The following GALNT18 variants were observed in gnomAD, a reference collection of about 807,000 sequenced individuals.
GALNT18 encodes the protein polypeptide N-acetylgalactosaminyltransferase 18.
In GALNT18, 44 loss-of-function variants were observed where a neutral mutation model predicts 69.5. That is an observed-to-expected ratio of 0.63 (90% CI 0.50 to 0.81). The LOEUF is 0.81. Among genes scored for constraint, GALNT18 ranks in the 40% least tolerant of loss-of-function variants. The pLI is 0.00. For missense variants in GALNT18, 715 were observed against 810.0 expected, an observed-to-expected ratio of 0.88 and a Z score of 1.42; for synonymous variants, 364 against 318.2, an observed-to-expected ratio of 1.14 and a Z score of -1.53.
intron 3 of GALNT18, among the ~76,000 whole-genome samples, chr11:11,419,354 T>C (rs1177533727): frequency 6.6e-6 from 1 of 152,006 alleles, no homozygotes; most frequent in Non-Finnish European, 1.5e-5. Context: ...CTCAGCACTC[T>C]GGGAGGCCAA....
chr11:11,335,518 C>T (rs936131836), intron 7 of GALNT18, among the ~76,000 whole-genome samples: 23 of 152,182 alleles, frequency 1.5e-4, no homozygotes, highest in African/African-American at 5.6e-4. Context: ...TTGCCAAATA[C>T]TTGGTGTAGT....
chr11:11,415,873 T>C lies in GALNT18; in HGVS notation c.595+16748A>G, dbSNP rs1370439677. Among the ~76,000 whole-genome samples the C allele has an allele frequency of 1.3e-5, 2 of 152,192 alleles. No individual in the cohort carries two copies. The highest frequency in any genetic ancestry group is 2.4e-5 in the African/African-American group (1 of 41,442). On this transcript the variant is annotated intron_variant, in intron 3 of 10. Transcript: ENST00000227756. The surrounding 1 kb of genome is among the most constrained non-coding windows in gnomAD (Gnocchi z 4.1). The stretch of plus-strand genomic sequence containing the variant: ...GTTGGACTCACATGTCATAGGAATA[T>C]GGAGTACACAGGTCTAGAGGGCAGC...
At chr11:11,544,389 A>G (rs1857997118) in intron 1 of GALNT18, among the ~76,000 whole-genome samples, 1 of 152,226 alleles carries the variant, frequency 6.6e-6, no homozygotes, top group Non-Finnish European at 1.5e-5. Flanking sequence ...TGTGCCAGTC[A>G]CTATGCTAAG....
At chr11:11,550,826 G>A (rs1168325173) in intron 1 of GALNT18, among the ~76,000 whole-genome samples, 1 of 152,188 alleles carries the variant, frequency 6.6e-6, no homozygotes, top group East Asian at 1.9e-4. Flanking sequence ...TAATTTAAAT[G>A]TAAACAGCCA....
rs1350312316 is a variant in GALNT18 at position 11,382,082 on chromosome 11, C to G, written c.596-2818G>C. Among the ~76,000 whole-genome samples the G allele has an allele frequency of 2.6e-5, 4 of 152,146 alleles. No homozygotes were observed. Among genetic ancestry groups the G allele is most frequent in the Non-Finnish European group, 4.4e-5 (3 of 68,030 alleles). ...TATAGGAGCTACTTGCCTCTTTGTA[C>G]CTGCGAGCTCTGTTAACACTGAGCT... On this transcript the variant is annotated intron_variant, in intron 3 of 10. Transcript: ENST00000227756. This position sits in a 1 kb window ranked among gnomAD's most constrained non-coding sequence, Gnocchi z 4.3.
At chr11:11,547,797 A>G (rs1157116005) in intron 1 of GALNT18, among the ~76,000 whole-genome samples, 1 of 152,128 alleles carries the variant, frequency 6.6e-6, no homozygotes, top group Non-Finnish European at 1.5e-5. Context: ...AATTCATTCC[A>G]TGCTTCCTTA....
chr11:11,293,505 TATTTCTTCAC>T (rs1469488407), intron 9 of GALNT18, among the ~76,000 whole-genome samples: 1 of 151,806 alleles, frequency 6.6e-6, no homozygotes, highest in African/African-American at 2.4e-5. Flanking sequence ...CTTTTAAATT[TATTTCTTCAC>T]CCAGTTTACA....
chr11:11,589,697 C>T (rs1025436209), intron 1 of GALNT18, among the ~76,000 whole-genome samples: 6 of 152,112 alleles, frequency 3.9e-5, no homozygotes, highest in African/African-American at 9.7e-5. Context: ...GTTTGTCTAT[C>T]GCCCCTCACT....
At chr11:11,510,412 C>T (rs1857143525) in intron 1 of GALNT18, among the ~76,000 whole-genome samples, 1 of 151,768 alleles carries the variant, frequency 6.6e-6, no homozygotes, top group African/African-American at 2.4e-5. Context: ...GATAAGGCCT[C>T]ACCATGTTCC....
chr11:11,502,114 G>A (rs563364988), intron 1 of GALNT18, among the ~76,000 whole-genome samples: 10 of 151,260 alleles, frequency 6.6e-5, no homozygotes, highest in South Asian at 2.1e-4. Flanking sequence ...TGTAGAGCTC[G>A]TTTGAGGATA....
intron 6 of GALNT18, among the ~76,000 whole-genome samples, chr11:11,359,705 G>A (rs1212864929): frequency 6.6e-6 from 1 of 152,144 alleles, no homozygotes; most frequent in African/African-American, 2.4e-5. Flanking sequence ...ATGGTACGGT[G>A]GTCATTTTCC....
rs1035037985 is a variant in GALNT18 at position 11,446,705 on chromosome 11, T to C, written c.428+2039A>G. 8.5e-5 allele frequency among the ~76,000 whole-genome samples: 13 copies of C among 152,196 alleles called. No individual in the cohort carries two copies. The South Asian group carries it at 2.7e-3, about 32-fold the overall frequency. On this transcript the variant is annotated intron_variant, in intron 2 of 10. Transcript: ENST00000227756. ...CTGGAAGCCTCTTAATTGGTCTCCA[T>C]GCTCCCAGCCTTGCCCCCTCGGTCT...
Position 11,529,404 on chromosome 11 carries a change from G to A in GALNT18, c.236-80468C>T, listed in dbSNP as rs530182554. On this transcript the variant is annotated intron_variant, in intron 1 of 10. Transcript: ENST00000227756. ...CCTGACTGTTTGGGCTGGAACACTG[G>A]TCTCTTCCTGCTTTCAGACTCTAAA... 1.3e-3 allele frequency among the ~76,000 whole-genome samples: 194 copies of A among 152,232 alleles called. 4 individuals are homozygous for A. Among genetic ancestry groups the A allele is most frequent in the African/African-American group, 4.5e-3 (187 of 41,516 alleles).
intron 1 of GALNT18, among the ~76,000 whole-genome samples, chr11:11,577,825 A>C (rs1858962829): frequency 6.6e-6 from 1 of 152,202 alleles, no homozygotes; most frequent in Admixed American, 6.5e-5. Context: ...TTAAGAAGAC[A>C]GGGCGTGGGT....
chr11:11,504,760 A>AT (rs1564983058), intron 1 of GALNT18, among the ~76,000 whole-genome samples: 6 of 149,604 alleles, frequency 4.0e-5, no homozygotes, highest in East Asian at 2.0e-4. Flanking sequence ...CCCATCTCAA[A>AT]ATATATATAT....
rs1439724829 is a variant in GALNT18, at chr11:11,583,705, CA to C, written c.235+37653del. Among the ~76,000 whole-genome samples, 1 of 152,126 alleles carries C rather than the reference CA, an allele frequency of 6.6e-6. No individual in the cohort carries two copies. Among genetic ancestry groups the C allele is most frequent in the African/African-American group, 2.4e-5 (1 of 41,424 alleles). On this transcript the variant is annotated intron_variant, in intron 1 of 10. Transcript: ENST00000227756. This position sits in a 1 kb window ranked among gnomAD's most constrained non-coding sequence, Gnocchi z 4.7. ...CAAGATATTTCCAAAGCCCTGACCA[CA>C]TACGTGGTCAGGGAAAATGCTTAAA...
At chr11:11,292,630 G>C (rs1386887717) in intron 10 of GALNT18, among the ~76,000 whole-genome samples, 1 of 152,152 alleles carries the variant, frequency 6.6e-6, no homozygotes, top group African/African-American at 2.4e-5. Context: ...GCTTGTATAG[G>C]AGAAACGTGA....
intron 9 of GALNT18, among the ~76,000 whole-genome samples, chr11:11,305,959 C>T (rs1564888705): frequency 6.6e-6 from 1 of 152,182 alleles, no homozygotes; most frequent in Admixed American, 6.5e-5. Context: ...GTACCCCTTA[C>T]TCCAAAACTC....
intron 3 of GALNT18, among the ~76,000 whole-genome samples, chr11:11,422,320 CA>C (rs2133776582): frequency 6.6e-6 from 1 of 152,332 alleles, no homozygotes; most frequent in East Asian, 1.9e-4. Flanking sequence ...CCTCAGGCAG[CA>C]AGGAGCAACA....
Sources: allele counts gnomAD v4.1 joint callset (sites outside exome capture counted in the v4.1 genomes callset), GRCh38; gene constraint gnomAD v4.1.1; non-coding constraint Gnocchi (gnomAD v3.1); transcripts MANE v1.5; gene names NCBI Gene and HGNC (gene_info 2026-07-23, HGNC 2026-07-21).